ANKS1B: variants seen among roughly 807,000 people sequenced by gnomAD.
ANKS1B encodes the protein ankyrin repeat and sterile alpha motif domain-containing protein 1B.
Under a neutral mutation model 148.3 loss-of-function variants are expected in ANKS1B, and 36 were observed. The observed-to-expected ratio is 0.24, with a 90% CI of 0.19 to 0.32. The LOEUF is 0.32. Ranked by LOEUF, ANKS1B falls within the 10% of genes least tolerant of loss-of-function variation. The pLI is 1.00. For synonymous variants in ANKS1B, 542 were observed against 560.8 expected (o/e 0.97, Z 0.47); for missense variants, 1,157 against 1,542.6 (o/e 0.75, Z 4.19).
At chr12:99,331,489 T>C (rs1308336584) in intron 12 of ANKS1B, among the ~76,000 whole-genome samples, 1 of 151,970 alleles carries the variant, frequency 6.6e-6, no homozygotes, top group Non-Finnish European at 1.5e-5. Flanking sequence ...CAGTCAACAA[T>C]ATGAACGCTG....
chr12:99,593,187 G>T lies in ANKS1B; in HGVS notation c.1272+61880C>A, dbSNP rs191566925. Among the ~76,000 whole-genome samples the T allele has an allele frequency of 5.7e-4, 87 of 152,126 alleles. 1 individual carries two copies. The highest frequency in any genetic ancestry group is 2.0e-3 in the African/African-American group (81 of 41,508). ...CATCATGGCCAGAACCAGCTTTTCA[G>T]GTTAAATTTGGAGTGCCCTGGCCAA... is the stretch of plus-strand genomic sequence containing the variant. On this transcript the variant is annotated intron_variant, in intron 9 of 26. Transcript: ENST00000683438.
chr12:99,596,961 G>T (rs1182903688), intron 9 of ANKS1B, among the ~76,000 whole-genome samples: 1 of 151,910 alleles, frequency 6.6e-6, no homozygotes, highest in Admixed American at 6.6e-5. Flanking sequence ...GAGTGGAATT[G>T]CTGAGTCATA....
rs76534194 is a variant in ANKS1B, at chr12:99,249,233, G to T, written c.1757-2369C>A. Among the ~76,000 whole-genome samples the T allele has an allele frequency of 3.4e-3, 518 of 151,042 alleles. 16 individuals are homozygous for T. In the East Asian group the frequency reaches 0.064, roughly 19 times the overall value. ...GAAAATTGAAAAGAGCTTGCCTATT[G>T]TGGGAAAAAGATTCTGTAAATCTCA... On this transcript the variant is annotated intron_variant, in intron 12 of 26. Coordinates refer to ENST00000683438, the MANE Select transcript of ANKS1B (RefSeq NM_001352186.2).
chr12:99,504,194 G>A (rs569009157), intron 10 of ANKS1B, among the ~76,000 whole-genome samples: 1 of 152,096 alleles, frequency 6.6e-6, no homozygotes, highest in Non-Finnish European at 1.5e-5. Flanking sequence ...CCAAAGCTGT[G>A]TATCTTACCT....
intron 10 of ANKS1B, among the ~76,000 whole-genome samples, chr12:99,488,473 A>G (rs575821438): frequency 1.4e-4 from 21 of 152,110 alleles, no homozygotes; most frequent in Non-Finnish European, 2.6e-4. Context: ...TTCTCTTAAA[A>G]TTTTTACCAG....
rs148024685 is a variant in ANKS1B, at chr12:98,834,673, A to C, written c.2779-2537T>G. Among the ~76,000 whole-genome samples, 108 of 152,168 alleles carry C rather than the reference A, an allele frequency of 7.1e-4. 1 individual carries two copies. Among genetic ancestry groups the C allele is most frequent in the African/African-American group, 2.5e-3 (103 of 41,514 alleles). ...TTTCACTACCTGGAAGAGCTTAGTG[A>C]TTTTTGCATATCTGGAAATTTCACT... On this transcript the variant is annotated intron_variant, in intron 17 of 26. Coordinates refer to ENST00000683438, the MANE Select transcript of ANKS1B (RefSeq NM_001352186.2).
chr12:98,881,527 G>A (rs1422371858), intron 17 of ANKS1B, among the ~76,000 whole-genome samples: 1 of 152,036 alleles, frequency 6.6e-6, no homozygotes, highest in Non-Finnish European at 1.5e-5. Context: ...TGATTCCACA[G>A]AATGTTATTC....
chr12:98,754,989 C>A (rs1360887651), intron 25 of ANKS1B, among the ~76,000 whole-genome samples: 2 of 152,174 alleles, frequency 1.3e-5, no homozygotes, highest in Non-Finnish European at 2.9e-5. Flanking sequence ...GGATTGGACA[C>A]TGTTACCTTT....
At chr12:98,957,283 A>G (rs937193142) in intron 17 of ANKS1B, among the ~76,000 whole-genome samples, 2 of 151,798 alleles carry the variant, frequency 1.3e-5, no homozygotes, top group Admixed American at 1.3e-4. Context: ...GGATTCACAC[A>G]CAGTGGATGC....
At chr12:99,668,587 T>C (rs916706660) in intron 8 of ANKS1B, among the ~76,000 whole-genome samples, 1 of 152,154 alleles carries the variant, frequency 6.6e-6, no homozygotes, top group African/African-American at 2.4e-5. Flanking sequence ...TAAGTTTCTT[T>C]GTGACTTTAG....
At chr12:98,865,227 C>T (rs80051486) in intron 17 of ANKS1B, among the ~76,000 whole-genome samples, 3,064 of 152,246 alleles carry the variant, frequency 0.02, 109 homozygotes, top group African/African-American at 0.069. Flanking sequence ...TTCAGACTCT[C>T]GATCTTATTG....
chr12:99,815,574 T>C (rs1185094265), intron 2 of ANKS1B, among the ~76,000 whole-genome samples: 1 of 151,684 alleles, frequency 6.6e-6, no homozygotes, highest in East Asian at 1.9e-4. Flanking sequence ...AATTCTGAGA[T>C]TTTAGTGCAC....
At chr12:99,920,349 AC>A (rs1433882798) in intron 1 of ANKS1B, among the ~76,000 whole-genome samples, 2 of 152,152 alleles carry the variant, frequency 1.3e-5, no homozygotes, top group African/African-American at 4.8e-5. Context: ...TTTAATATGC[AC>A]TATCCATTCA....
At chr12:99,815,719 C>G (rs1481758201) in intron 2 of ANKS1B, among the ~76,000 whole-genome samples, 1 of 151,772 alleles carries the variant, frequency 6.6e-6, no homozygotes, top group East Asian at 1.9e-4. Flanking sequence ...GCTTAGCTCC[C>G]ACTTAGAAGT....
chr12:99,359,352 G>C (rs2092302567), intron 12 of ANKS1B, among the ~76,000 whole-genome samples: 1 of 151,978 alleles, frequency 6.6e-6, no homozygotes, highest in Non-Finnish European at 1.5e-5. Context: ...TATTTAAGTA[G>C]ATAGTTTCAT....
intron 12 of ANKS1B, among the ~76,000 whole-genome samples, chr12:99,328,336 G>C (rs191119922): frequency 6.6e-6 from 1 of 151,842 alleles, no homozygotes. Context: ...GCAAAACGTC[G>C]AAGATCCATA....
At chr12:99,929,879 CA>C (rs1384437777) in intron 1 of ANKS1B, among the ~76,000 whole-genome samples, 3 of 151,166 alleles carry the variant, frequency 2.0e-5, no homozygotes, top group Non-Finnish European at 4.4e-5. Context: ...GTACCAGTAC[CA>C]TGCTGTTTTG....
chr12:98,794,641 C>A, intron 22 of ANKS1B: 1 of 848,218 alleles, frequency 1.2e-6, no homozygotes, highest in South Asian at 1.3e-5. Flanking sequence ...TTAGGTGGAC[C>A]AAAGCATTCT....
chr12:99,336,739 A>C (rs933109425), intron 12 of ANKS1B, among the ~76,000 whole-genome samples: 3 of 152,034 alleles, frequency 2.0e-5, no homozygotes, highest in Admixed American at 2.0e-4. Context: ...TATGCCAGGG[A>C]AAATATTCTT....
Sources: allele counts gnomAD v4.1 joint callset (sites outside exome capture counted in the v4.1 genomes callset), GRCh38; gene constraint gnomAD v4.1.1; transcripts MANE v1.5; gene names NCBI Gene and HGNC (gene_info 2026-07-23, HGNC 2026-07-21).